NFAM1: variants seen among roughly 807,000 people sequenced by gnomAD.
NFAM1 encodes the protein NFAT activating protein with ITAM motif 1.
A neutral mutation model predicts 29.0 loss-of-function variants in NFAM1; 17 were observed. The observed-to-expected ratio is 0.59, with a 90% CI of 0.40 to 0.88. NFAM1 has a LOEUF of 0.88. NFAM1 is among the 40% of genes least tolerant of loss of function. NFAM1 has a pLI of 0.00. For synonymous variants in NFAM1, 175 were observed against 147.2 expected (o/e 1.19, Z -1.36); for missense variants, 324 against 344.6 (o/e 0.94, Z 0.47).
At chr22:42,395,693 T>G (rs538237008) in intron 4 of NFAM1, among the ~76,000 whole-genome samples, 5 of 151,364 alleles carry the variant, frequency 3.3e-5, no homozygotes, top group African/African-American at 1.2e-4. Flanking sequence ...CCATCCTGGC[T>G]AACATGGTGA....
At chr22:42,410,793 G>T (rs1174207969) in intron 2 of NFAM1, among the ~76,000 whole-genome samples, 1 of 152,102 alleles carries the variant, frequency 6.6e-6, no homozygotes, top group East Asian at 1.9e-4. Flanking sequence ...TTCTGCAGAA[G>T]TTCCCCCACC....
chr22:42,422,831 C>T (rs1930490757), intron 1 of NFAM1, among the ~76,000 whole-genome samples: 1 of 151,608 alleles, frequency 6.6e-6, no homozygotes, highest in Non-Finnish European at 1.5e-5. Context: ...GTGAGGGGAA[C>T]AGGCTGGGCG....
intron 1 of NFAM1, among the ~76,000 whole-genome samples, chr22:42,418,229 A>T (rs575415611): frequency 3.7e-4 from 57 of 152,324 alleles, no homozygotes; most frequent in African/African-American, 1.3e-3. Flanking sequence ...AGCTGGCTTT[A>T]CTTCTCTGAC....
At chr22:42,393,639 A>C (rs1322398713) in intron 4 of NFAM1, among the ~76,000 whole-genome samples, 1 of 146,114 alleles carries the variant, frequency 6.8e-6, no homozygotes, top group Non-Finnish European at 1.5e-5. Context: ...GATGGTCTCG[A>C]TCTCTTGACC....
chr22:42,392,668 C>T (rs1277310659), intron 4 of NFAM1, among the ~76,000 whole-genome samples: 1 of 152,116 alleles, frequency 6.6e-6, no homozygotes, highest in African/African-American at 2.4e-5. Context: ...GGAACTAAGA[C>T]TCAGAAAGTT....
chr22:42,418,535 T>C (rs1410596020), intron 1 of NFAM1, among the ~76,000 whole-genome samples: 3 of 151,850 alleles, frequency 2.0e-5, no homozygotes, highest in Non-Finnish European at 2.9e-5. Flanking sequence ...ATACTAAAAA[T>C]ACAAAAAAGT....
chr22:42,437,022 C>T (rs1235486246), upstream of NFAM1: 6 of 984,282 alleles, frequency 6.1e-6, no homozygotes, highest in African/African-American at 1.0e-4. Flanking sequence ...CCCTGCTATG[C>T]TCAGTTTCTG....
Position 42,432,336 on chromosome 22 carries a change from A to G in NFAM1, c.22T>C (p.Trp8Arg). The G allele has an allele frequency of 6.3e-7, 1 of 1,579,054 alleles. No homozygotes were observed. The highest frequency in any genetic ancestry group is 8.6e-7 in the Non-Finnish European group (1 of 1,162,752). ...CGTGGGAGGCCTGGCAGGGCCCGCC[A>G]CCTCACAGGCTGGTTCTCCATCTGG... Reference protein sequence around the residue: MENQPVRWRALPGLPRPP... With the variant: MENQPVRRRALPGLPRPP... The change falls in exon 1 of 6, where the codon TGG becomes CGG. Residue 8 changes from tryptophan (W) to arginine (R), a missense_variant. Physicochemically the swap from Trp to Arg is moderately radical, Grantham distance 101 (BLOSUM62 -3). Coordinates refer to ENST00000329021, the MANE Select transcript of NFAM1 (RefSeq NM_145912.8).
intron 4 of NFAM1, among the ~76,000 whole-genome samples, chr22:42,393,319 G>C (rs1168159603): frequency 6.6e-6 from 1 of 152,114 alleles, no homozygotes; most frequent in Non-Finnish European, 1.5e-5. Flanking sequence ...GGGAGGTTGT[G>C]GTAGAAAGAG....
upstream of NFAM1, among the ~76,000 whole-genome samples, chr22:42,436,243 A>T: frequency 6.6e-6 from 1 of 152,158 alleles, no homozygotes; most frequent in East Asian, 1.9e-4. Context: ...GTGCCGTGGG[A>T]AGGAGATCCC....
rs572889025 is a variant in NFAM1, at chr22:42,419,088, G to T, written c.122-7352C>A. ...TTGCTATCCTCCCACACCTGGCGCG[G>T]GGACCACATGCCGAGTGAGTCCCTG... is the stretch of plus-strand genomic sequence containing the variant. On this transcript the variant is annotated intron_variant, in intron 1 of 5. Coordinates refer to ENST00000329021, the MANE Select transcript of NFAM1 (RefSeq NM_145912.8). The surrounding 1 kb of genome is among the most constrained non-coding windows in gnomAD (Gnocchi z 4.5). 3.5e-4 allele frequency among the ~76,000 whole-genome samples: 53 copies of T among 152,306 alleles called. No individual in the cohort carries two copies. Among genetic ancestry groups the T allele is most frequent in the African/African-American group, 1.2e-3 (50 of 41,574 alleles).
intron 1 of NFAM1, among the ~76,000 whole-genome samples, chr22:42,414,182 A>G (rs1411814248): frequency 6.6e-6 from 1 of 152,198 alleles, no homozygotes; most frequent in Non-Finnish European, 1.5e-5. Flanking sequence ...TGTAATTGAC[A>G]TAACGACACT....
intron 3 of NFAM1, among the ~76,000 whole-genome samples, chr22:42,403,745 G>C (rs1396149671): frequency 6.6e-6 from 1 of 152,242 alleles, no homozygotes; most frequent in Non-Finnish European, 1.5e-5. Flanking sequence ...CAGGGAACAG[G>C]CCGAGAGGCA....
At chr22:42,387,175 G>T in intron 4 of NFAM1, 97 bp from the exon 5 acceptor site, 1 of 638,574 alleles carries the variant, frequency 1.6e-6, no homozygotes, top group Non-Finnish European at 2.6e-6. Context: ...ACCCCACCGT[G>T]GGAGCCCAGG....
intron 4 of NFAM1, among the ~76,000 whole-genome samples, chr22:42,394,221 A>G (rs984223919): frequency 6.6e-6 from 1 of 152,004 alleles, no homozygotes; most frequent in Middle Eastern, 3.4e-3. Context: ...TATTTTTAGT[A>G]GAGATGGGGT....
intron 3 of NFAM1, among the ~76,000 whole-genome samples, chr22:42,402,684 G>A (rs1929762441): frequency 6.6e-6 from 1 of 152,024 alleles, no homozygotes; most frequent in Admixed American, 6.6e-5. Context: ...CGCCTGCTCT[G>A]GGAACACCAC....
At position 42,411,526 on chromosome 22, in the gene NFAM1, G is replaced by A; in HGVS notation, c.332C>T (p.Thr111Ile). The A allele has an allele frequency of 6.2e-7, 1 of 1,614,184 alleles. No homozygotes were observed. The highest frequency in any genetic ancestry group is 8.5e-7 in the Non-Finnish European group (1 of 1,180,014). ...PGLGTENQSH[T>I]LDCQVTLVLP... The stretch of plus-strand genomic sequence containing the variant: ...CACAAGGGTGACCTGGCAGTCCAGG[G>A]TGTGGCTCTGGTTCTCTGTGCCCAG... The change falls in exon 2 of 6, where the codon ACC becomes ATC. Residue 111 changes from threonine (T) to isoleucine (I), a missense_variant. By Grantham distance (89) the Thr-to-Ile change is moderately conservative. Coordinates refer to ENST00000329021, the MANE Select transcript of NFAM1 (RefSeq NM_145912.8).
chr22:42,395,739 C>A (rs189456361), intron 4 of NFAM1, among the ~76,000 whole-genome samples: 1 of 151,166 alleles, frequency 6.6e-6, no homozygotes, highest in Non-Finnish European at 1.5e-5. Context: ...AAAAATTAGC[C>A]GGGCGCAGTG....
intron 5 of NFAM1, among the ~76,000 whole-genome samples, chr22:42,386,392 A>ACACAC (rs1569224374): frequency 2.0e-5 from 1 of 48,980 alleles, no homozygotes; most frequent in African/African-American, 1.4e-4. Flanking sequence ...AACAAAAACA[A>ACACAC]ACAAACACAC....
Sources: allele counts gnomAD v4.1 joint callset (sites outside exome capture counted in the v4.1 genomes callset), GRCh38; gene constraint gnomAD v4.1.1; non-coding constraint Gnocchi (gnomAD v3.1); transcripts MANE v1.5; gene names NCBI Gene and HGNC (gene_info 2026-07-23, HGNC 2026-07-21).